KLF12: variants seen among roughly 807,000 people sequenced by gnomAD.
KLF12 encodes Krueppel-like factor 12.
Under a neutral mutation model 37.8 loss-of-function variants are expected in KLF12, and 9 were observed. That is an observed-to-expected ratio of 0.24 (90% CI 0.14 to 0.42). The LOEUF is 0.42. KLF12 is among the 10% of genes least tolerant of loss of function. The pLI is 1.00. For missense variants in KLF12, 411 were observed against 516.0 expected, an observed-to-expected ratio of 0.80 and a Z score of 1.97; for synonymous variants, 208 against 202.1, an observed-to-expected ratio of 1.03 and a Z score of -0.25.
chr13:74,155,310 A>G, the KLF12 span, among the ~76,000 whole-genome samples: 1 of 152,142 alleles, frequency 6.6e-6, no homozygotes, highest in Non-Finnish European at 1.5e-5. Context: ...AAGTTAAATT[A>G]AGTCAGTTAT....
the KLF12 span, among the ~76,000 whole-genome samples, chr13:74,268,112 T>C: frequency 6.6e-6 from 1 of 152,056 alleles, no homozygotes; most frequent in African/African-American, 2.4e-5. Flanking sequence ...TTTAAGCTAC[T>C]GAGTTTGTGA....
chr13:73,751,236 C>G (rs533185548), intron 6 of KLF12, among the ~76,000 whole-genome samples: 1 of 152,142 alleles, frequency 6.6e-6, no homozygotes, highest in African/African-American at 2.4e-5. Context: ...ATAATGATTT[C>G]TTTTCCTTTG....
chr13:74,302,047 T>A, the KLF12 span, among the ~76,000 whole-genome samples: 3 of 152,070 alleles, frequency 2.0e-5, no homozygotes, highest in Non-Finnish European at 4.4e-5. Context: ...GTGAAGGATG[T>A]TTTTGGTTTG....
At position 74,068,179 on chromosome 13, in the gene KLF12, G is replaced by T. The variant is rs146466687; in HGVS notation, c.-32+65560C>A. Among the ~76,000 whole-genome samples the T allele has an allele frequency of 1.6e-4, 25 of 152,300 alleles. No homozygotes were observed. In the East Asian group the frequency reaches 4.0e-3, roughly 25 times the overall value. On this transcript the variant is annotated intron_variant, in intron 1 of 7. Coordinates refer to ENST00000377669, the MANE Select transcript of KLF12 (RefSeq NM_007249.5). ...TTTTTAAAATGTGATTTAATTAAATGATACATTACTTAAGGAAGTGAAATA... is the reference window on the plus strand; with the variant it reads ...TTTTTAAAATGTGATTTAATTAAATTATACATTACTTAAGGAAGTGAAATA...
chr13:74,147,230 G>A, the KLF12 span, among the ~76,000 whole-genome samples: 1 of 152,038 alleles, frequency 6.6e-6, no homozygotes, highest in South Asian at 2.1e-4. Flanking sequence ...GACTAGTACT[G>A]ACTGCAAGAG....
At chr13:73,741,337 G>C (rs1460103465) in intron 6 of KLF12, among the ~76,000 whole-genome samples, 2 of 151,782 alleles carry the variant, frequency 1.3e-5, no homozygotes, top group African/African-American at 4.8e-5. Flanking sequence ...CCTGACCCCG[G>C]GAGAGCTACA....
chr13:74,110,866 T>C (rs542446985), intron 1 of KLF12, among the ~76,000 whole-genome samples: 194 of 152,302 alleles, frequency 1.3e-3, no homozygotes, highest in African/African-American at 4.3e-3. Context: ...CGTGATGTAT[T>C]CTAGTTGTGT....
At chr13:74,149,928 A>G in the KLF12 span, among the ~76,000 whole-genome samples, 1 of 152,114 alleles carries the variant, frequency 6.6e-6, no homozygotes, top group African/African-American at 2.4e-5. Context: ...TGCTGGTTGC[A>G]TTTCCTCACC....
chr13:74,238,415 T>A, the KLF12 span, among the ~76,000 whole-genome samples: 293 of 138,316 alleles, frequency 2.1e-3, 5 homozygotes, highest in East Asian at 2.5e-3. Context: ...TTTGGTTGTG[T>A]CTCTGCCTGG....
intron 1 of KLF12, among the ~76,000 whole-genome samples, chr13:74,003,810 A>C (rs1593821960): frequency 6.6e-6 from 1 of 152,344 alleles, no homozygotes; most frequent in East Asian, 1.9e-4. Context: ...CTGAAGAATA[A>C]GTTATGTAAG....
intron 2 of KLF12, among the ~76,000 whole-genome samples, chr13:73,958,917 C>T (rs1383335736): frequency 2.0e-5 from 3 of 152,076 alleles, no homozygotes; most frequent in African/African-American, 4.8e-5. Flanking sequence ...CTGGAAAACA[C>T]GAAGGTGATC....
chr13:74,300,273 C>A, the KLF12 span, among the ~76,000 whole-genome samples: 94 of 152,136 alleles, frequency 6.2e-4, no homozygotes, highest in Admixed American at 2.2e-3. Flanking sequence ...GGCTTCCTGA[C>A]TCATACATCT....
the KLF12 span, among the ~76,000 whole-genome samples, chr13:74,195,787 A>ATG: frequency 2.0e-5 from 3 of 151,960 alleles, no homozygotes; most frequent in Non-Finnish European, 2.9e-5. Flanking sequence ...TTTAGGAGAG[A>ATG]TGGCCAGGCT....
intron 1 of KLF12, among the ~76,000 whole-genome samples, chr13:74,045,278 G>A (rs1168271927): frequency 6.6e-6 from 1 of 152,196 alleles, no homozygotes; most frequent in African/African-American, 2.4e-5. Context: ...TACCCTTGAT[G>A]TGATGTAATG....
At chr13:73,790,442 A>T (rs1197942552) in intron 5 of KLF12, among the ~76,000 whole-genome samples, 4 of 152,206 alleles carry the variant, frequency 2.6e-5, no homozygotes, top group African/African-American at 9.6e-5. Flanking sequence ...CTTTAAAAAA[A>T]TTGTACTGTT....
At chr13:73,832,902 C>T (rs958990175) in intron 4 of KLF12, among the ~76,000 whole-genome samples, 3 of 152,066 alleles carry the variant, frequency 2.0e-5, no homozygotes, top group African/African-American at 7.3e-5. Flanking sequence ...GAAAAATGGT[C>T]GATTTATTTC....
At chr13:73,989,140 CT>C (rs1375694570) in intron 2 of KLF12, among the ~76,000 whole-genome samples, 1 of 152,092 alleles carries the variant, frequency 6.6e-6, no homozygotes, top group Non-Finnish European at 1.5e-5. Flanking sequence ...TTACAGCCTT[CT>C]TTTAAAACCC....
At chr13:74,065,201 TACACAC>T (rs77575006) in intron 1 of KLF12, among the ~76,000 whole-genome samples, 26,577 of 111,978 alleles carry the variant, frequency 0.24, 2,573 homozygotes, top group African/African-American at 0.26. Context: ...ATCTGATTCT[TACACAC>T]ACACACACAC....
chr13:74,150,651 A>C, the KLF12 span, among the ~76,000 whole-genome samples: 4 of 152,232 alleles, frequency 2.6e-5, no homozygotes, highest in African/African-American at 9.6e-5. Flanking sequence ...ACTTGATGGC[A>C]TATCTGAATT....
Sources: gnomAD v4.1 joint callset for allele counts (sites outside exome capture counted in the v4.1 genomes callset) on GRCh38, gnomAD v4.1.1 for gene constraint, MANE v1.5 for transcripts, NCBI Gene and HGNC (gene_info 2026-07-23, HGNC 2026-07-21) for gene names.